The following ARHGEF28 variants were observed in gnomAD, a reference collection of about 807,000 sequenced individuals.
ARHGEF28 encodes 190 kDa guanine nucleotide exchange factor.
In ARHGEF28, 152 loss-of-function variants were observed where a neutral mutation model predicts 206.6. The ratio of observed to expected loss-of-function variants is 0.74; its 90% CI spans 0.64 to 0.84. The LOEUF (loss-of-function observed/expected upper bound fraction) is 0.84. ARHGEF28 is among the 40% of genes least tolerant of loss of function. The pLI is 0.00. For missense variants in ARHGEF28, 2,028 were observed against 2,073.2 expected, an observed-to-expected ratio of 0.98 and a Z score of 0.42; for synonymous variants, 763 against 776.4, an observed-to-expected ratio of 0.98 and a Z score of 0.29.
At position 73,897,045 on chromosome 5, in the gene ARHGEF28, C is replaced by G. The variant is rs146087850; in HGVS notation, c.3842-917C>G. Among the ~76,000 whole-genome samples, 151 of 152,334 alleles carry G rather than the reference C, an allele frequency of 9.9e-4. 2 individuals carry two copies. Among genetic ancestry groups the G allele is most frequent in the Admixed American group, 5.1e-3 (78 of 15,310 alleles). ...ACAAAAAGCCAGTTCAGTAGTGCACCTTGAATCGTCTTCCTGGGACTTCAC... is the reference window on the plus strand; with the variant it reads ...ACAAAAAGCCAGTTCAGTAGTGCACGTTGAATCGTCTTCCTGGGACTTCAC... On this transcript the variant is annotated intron_variant, in intron 29 of 35. Transcript: ENST00000513042.
intron 4 of ARHGEF28, among the ~76,000 whole-genome samples, chr5:73,766,296 T>C (rs1459944064): frequency 6.6e-6 from 1 of 152,270 alleles, no homozygotes; most frequent in African/African-American, 2.4e-5. Context: ...TTAACTTGTA[T>C]TGAAAAATAT....
At chr5:73,761,616 A>G (rs1752604770) in intron 4 of ARHGEF28, among the ~76,000 whole-genome samples, 1 of 152,116 alleles carries the variant, frequency 6.6e-6, no homozygotes, top group African/African-American at 2.4e-5. Context: ...AGCTGTATGG[A>G]TAGAAACCTC....
intron 2 of ARHGEF28, among the ~76,000 whole-genome samples, chr5:73,689,369 G>A (rs1747674240): frequency 6.6e-6 from 1 of 151,862 alleles, no homozygotes; most frequent in Admixed American, 6.6e-5. Context: ...TTTTGAGATG[G>A]GGCCTCACTG....
chr5:73,726,692 A>G (rs944273777), intron 2 of ARHGEF28, among the ~76,000 whole-genome samples: 1 of 152,222 alleles, frequency 6.6e-6, no homozygotes, highest in Non-Finnish European at 1.5e-5. Context: ...CCAGACAGTT[A>G]GTGGAAATGA....
rs116499241 is a variant in ARHGEF28 at position 73,729,784 on chromosome 5, G to A, written c.34-20053G>A. ...AGACTATTTTTGTTAGTGTTAGAGA[G>A]TAGAACTTCACAAGTTGGGAGTTTG... On this transcript the variant is annotated intron_variant, in intron 2 of 35. Coordinates refer to ENST00000513042, the MANE Select transcript of ARHGEF28 (RefSeq NM_001177693.2). Among the ~76,000 whole-genome samples the A allele has an allele frequency of 7.8e-3, 1,185 of 152,286 alleles. 22 individuals are homozygous for A. Among genetic ancestry groups the A allele is most frequent in the African/African-American group, 0.027 (1,128 of 41,544 alleles).
At chr5:73,741,383 GTGTA>G (rs1751407537) in intron 2 of ARHGEF28, among the ~76,000 whole-genome samples, 1 of 18,316 alleles carries the variant, frequency 5.5e-5, no homozygotes, top group African/African-American at 3.0e-4. Flanking sequence ...GTGTGTGTGT[GTGTA>G]TATATATATA....
At chr5:73,896,693 C>A (rs1472897527) in intron 29 of ARHGEF28, among the ~76,000 whole-genome samples, 2 of 152,238 alleles carry the variant, frequency 1.3e-5, no homozygotes, top group Non-Finnish European at 2.9e-5. Context: ...AGTGGGTTGA[C>A]AAGAAGCAGT....
chr5:73,678,532 G>C (rs1346744924), intron 1 of ARHGEF28, among the ~76,000 whole-genome samples: 1 of 152,086 alleles, frequency 6.6e-6, no homozygotes, highest in African/African-American at 2.4e-5. Flanking sequence ...GTTTCTTCTT[G>C]ACTGAAAAGT....
chr5:73,878,609 G>T (rs1196712833), intron 22 of ARHGEF28, among the ~76,000 whole-genome samples: 1 of 149,456 alleles, frequency 6.7e-6, no homozygotes, highest in East Asian at 2.0e-4. Context: ...AGCTCTTTTA[G>T]GGCAGGCCTG....
At chr5:73,795,220 A>T in intron 8 of ARHGEF28, 111 bp from the exon 9 acceptor site, 1 of 933,588 alleles carries the variant, frequency 1.1e-6, no homozygotes, top group Non-Finnish European at 1.7e-6. Flanking sequence ...TGATACTTGT[A>T]ACATGTTTTC....
At chr5:73,721,651 C>T (rs2112331063) in intron 2 of ARHGEF28, among the ~76,000 whole-genome samples, 1 of 152,204 alleles carries the variant, frequency 6.6e-6, no homozygotes, top group Middle Eastern at 3.4e-3. Context: ...TAGCTCACTG[C>T]AGCCTGGACC....
chr5:73,754,389 A>T (rs1342880559), intron 4 of ARHGEF28, among the ~76,000 whole-genome samples: 1 of 152,126 alleles, frequency 6.6e-6, no homozygotes, highest in African/African-American at 2.4e-5. Context: ...GCACCGAGCC[A>T]TGCCTGAATC....
chr5:73,842,676 G>T (rs1470727800), intron 11 of ARHGEF28, among the ~76,000 whole-genome samples: 1 of 152,102 alleles, frequency 6.6e-6, no homozygotes. Flanking sequence ...CATTCTAGTG[G>T]ATCTTTAAGA....
rs1261964830 is a variant in ARHGEF28, at chr5:73,875,261, G to T, written c.2814+2015G>T. Among the ~76,000 whole-genome samples, 652 of 151,670 alleles carry T rather than the reference G, an allele frequency of 4.3e-3. 17 individuals carry two copies. Among genetic ancestry groups the T allele is most frequent in the Non-Finnish European group, 1.8e-3 (123 of 67,804 alleles). On this transcript the variant is annotated intron_variant, in intron 22 of 35. Transcript: ENST00000513042. ...CATATCCTTCACCCACTTTTTGATG[G>T]GGTTGTTTGTTTTTTTCTTGTAAAT... is the stretch of plus-strand genomic sequence containing the variant.
intron 35 of ARHGEF28, among the ~76,000 whole-genome samples, chr5:73,928,346 G>A (rs1580117602): frequency 6.6e-6 from 1 of 152,208 alleles, no homozygotes; most frequent in Admixed American, 6.5e-5. Flanking sequence ...AACCCGGGAG[G>A]TGGAGGTTGC....
chr5:73,789,546 T>C (rs578078894), intron 7 of ARHGEF28, among the ~76,000 whole-genome samples: 12 of 152,304 alleles, frequency 7.9e-5, no homozygotes, highest in Admixed American at 6.5e-4. Context: ...ATACTCTAAA[T>C]GGGTGAATTG....
At chr5:73,717,943 A>G (rs1441645362) in intron 2 of ARHGEF28, among the ~76,000 whole-genome samples, 1 of 152,114 alleles carries the variant, frequency 6.6e-6, no homozygotes, top group Non-Finnish European at 1.5e-5. Context: ...TGGCGCGATC[A>G]TCTTAGCTCA....
At chr5:73,815,360 G>T (rs1756136532) in intron 9 of ARHGEF28, among the ~76,000 whole-genome samples, 1 of 152,024 alleles carries the variant, frequency 6.6e-6, no homozygotes, top group Non-Finnish European at 1.5e-5. Context: ...AAAAATAGTG[G>T]ATATCCTTGA....
At chr5:73,822,276 C>T (rs748941201) in intron 9 of ARHGEF28, among the ~76,000 whole-genome samples, 2 of 152,106 alleles carry the variant, frequency 1.3e-5, no homozygotes, top group African/African-American at 2.4e-5. Context: ...CTGAGAGGCC[C>T]GACCTCCTTC....
Sources: allele counts gnomAD v4.1 joint callset (sites outside exome capture counted in the v4.1 genomes callset), GRCh38; gene constraint gnomAD v4.1.1; transcripts MANE v1.5; gene names NCBI Gene and HGNC (gene_info 2026-07-23, HGNC 2026-07-21).